The following EXOC4 variants were observed in gnomAD, a reference collection of about 807,000 sequenced individuals.
The protein encoded by EXOC4 is exocyst complex component 4, also known as SEC8-like 1.
A neutral mutation model predicts 107.2 loss-of-function variants in EXOC4; 71 were observed. The observed-to-expected ratio is 0.66, with a 90% CI of 0.55 to 0.81. The LOEUF is 0.81. Among genes scored for constraint, EXOC4 ranks in the 30% least tolerant of loss-of-function variants. The pLI, the probability that EXOC4 is intolerant of heterozygous loss-of-function variation, is 0.00. For missense variants in EXOC4, 1,108 were observed against 1,189.6 expected (o/e 0.93, Z 1.01); for synonymous variants, 456 against 441.2 (o/e 1.03, Z -0.42).
chr7:133,917,444 G>T (rs907773957), intron 12 of EXOC4, 139 bp from the exon 13 acceptor site: 5 of 741,344 alleles, frequency 6.7e-6, no homozygotes, highest in Non-Finnish European at 1.1e-5. Flanking sequence ...GGGTATCATG[G>T]ACTCCAACTT....
At chr7:133,632,707 A>C (rs1314542545) in intron 10 of EXOC4, among the ~76,000 whole-genome samples, 2 of 152,174 alleles carry the variant, frequency 1.3e-5, no homozygotes, top group African/African-American at 4.8e-5. Flanking sequence ...TTCAACAAAT[A>C]TTTATTGAAT....
chr7:133,764,213 A>G (rs1355330725), intron 10 of EXOC4, among the ~76,000 whole-genome samples: 1 of 151,944 alleles, frequency 6.6e-6, no homozygotes, highest in Non-Finnish European at 1.5e-5. Context: ...CATTCCCGTC[A>G]TTTTCAAACG....
chr7:133,855,158 T>G (rs951713728), intron 11 of EXOC4, among the ~76,000 whole-genome samples: 1 of 133,352 alleles, frequency 7.5e-6, no homozygotes, highest in African/African-American at 3.1e-5. Flanking sequence ...TATATATAAA[T>G]ATATATATTT....
intron 17 of EXOC4, among the ~76,000 whole-genome samples, chr7:134,014,245 TA>T (rs1794841370): frequency 6.6e-6 from 1 of 151,934 alleles, no homozygotes; most frequent in South Asian, 2.1e-4. Context: ...CTACTAAAAA[TA>T]CAAAAAAATT....
At chr7:133,543,246 G>A (rs1449926567) in intron 9 of EXOC4, among the ~76,000 whole-genome samples, 2 of 151,868 alleles carry the variant, frequency 1.3e-5, no homozygotes, top group Non-Finnish European at 2.9e-5. Context: ...AATAGCCTAA[G>A]GTTTTCCCCT....
chr7:133,933,131 G>T (rs899309596), intron 13 of EXOC4, among the ~76,000 whole-genome samples: 1 of 151,186 alleles, frequency 6.6e-6, no homozygotes, highest in Admixed American at 6.6e-5. Flanking sequence ...GAGCATCTTT[G>T]GCAAAATTTC....
chr7:133,377,094 G>C (rs942779616), intron 7 of EXOC4, among the ~76,000 whole-genome samples: 83 of 152,210 alleles, frequency 5.5e-4, no homozygotes, highest in African/African-American at 2.0e-3. Context: ...GCTCACGCCT[G>C]TAATCTCAGC....
At chr7:133,333,739 A>G (rs2150609691) in intron 5 of EXOC4, among the ~76,000 whole-genome samples, 1 of 152,292 alleles carries the variant, frequency 6.6e-6, no homozygotes, top group Middle Eastern at 3.4e-3. Context: ...TTCAACTCCA[A>G]ATCCATGTCA....
downstream of EXOC4, among the ~76,000 whole-genome samples, chr7:134,067,149 CAAAAAAAAAAAAA>C (rs10597442): frequency 6.6e-5 from 8 of 121,942 alleles, no homozygotes; most frequent in East Asian, 2.3e-4. Context: ...CACTCTGTCT[CAAAAAAAAAAAAA>C]AAAAAAAAAA....
At chr7:133,874,474 C>T (rs1798809802) in intron 11 of EXOC4, among the ~76,000 whole-genome samples, 2 of 152,172 alleles carry the variant, frequency 1.3e-5, no homozygotes, top group Non-Finnish European at 2.9e-5. Flanking sequence ...AACAAATTTT[C>T]CCTTGTGTGT....
At chr7:133,281,851 A>G (rs1465940701) in intron 2 of EXOC4, among the ~76,000 whole-genome samples, 1 of 151,872 alleles carries the variant, frequency 6.6e-6, no homozygotes. Flanking sequence ...ATAGGTACCC[A>G]CCACCACACC....
At chr7:133,957,796 A>G (rs1800849329) in intron 14 of EXOC4, among the ~76,000 whole-genome samples, 1 of 152,242 alleles carries the variant, frequency 6.6e-6, no homozygotes, top group Non-Finnish European at 1.5e-5. Context: ...AATAGTGAAA[A>G]TAGCTATTAA....
intron 9 of EXOC4, among the ~76,000 whole-genome samples, chr7:133,518,808 G>C (rs143412334): frequency 3.5e-4 from 53 of 152,168 alleles, no homozygotes; most frequent in Admixed American, 9.2e-4. Context: ...CAGAAAGAAT[G>C]ATGGCTGTAA....
chr7:133,846,100 T>C (rs952057526), intron 11 of EXOC4, among the ~76,000 whole-genome samples: 6 of 152,146 alleles, frequency 3.9e-5, no homozygotes, highest in South Asian at 2.1e-4. Flanking sequence ...ATCTCTGAAG[T>C]TGGTCTTCAA....
At chr7:133,883,646 T>A (rs1799015707) in intron 11 of EXOC4, among the ~76,000 whole-genome samples, 1 of 151,954 alleles carries the variant, frequency 6.6e-6, no homozygotes, top group Non-Finnish European at 1.5e-5. Context: ...AAAAAAAAAT[T>A]AAGCTAGAGC....
intron 3 of EXOC4, among the ~76,000 whole-genome samples, chr7:133,289,916 C>T (rs1563004399): frequency 6.6e-6 from 1 of 152,126 alleles, no homozygotes; most frequent in Non-Finnish European, 1.5e-5. Flanking sequence ...TTTTTTCCTT[C>T]CCCACAGTAG....
intron 11 of EXOC4, among the ~76,000 whole-genome samples, chr7:133,880,539 T>C (rs576316874): frequency 1.6e-4 from 24 of 152,326 alleles, no homozygotes; most frequent in Non-Finnish European, 2.9e-5. Context: ...TAGAGTTGCA[T>C]TGATTCAAAA....
At chr7:133,866,488 G>A (rs928259078) in intron 11 of EXOC4, among the ~76,000 whole-genome samples, 1 of 152,188 alleles carries the variant, frequency 6.6e-6, no homozygotes, top group African/African-American at 2.4e-5. Context: ...AATGTAGCTA[G>A]AGAGGCTCTA....
chr7:134,061,382 A>G (rs573086748), intron 17 of EXOC4, among the ~76,000 whole-genome samples: 38 of 152,294 alleles, frequency 2.5e-4, no homozygotes, highest in African/African-American at 8.7e-4. Context: ...CCTTGGTTGA[A>G]GGAGACAGTG....
Sources: gnomAD v4.1 joint callset for allele counts (sites outside exome capture counted in the v4.1 genomes callset) on GRCh38, gnomAD v4.1.1 for gene constraint, MANE v1.5 for transcripts, NCBI Gene and HGNC (gene_info 2026-07-23, HGNC 2026-07-21) for gene names.